Variants in DHX30 observed in about 807,000 individuals in gnomAD.
The protein encoded by DHX30 is ATP-dependent RNA helicase DHX30.
A neutral mutation model predicts 116.9 loss-of-function variants in DHX30; 4 were observed. The observed-to-expected ratio is 0.03, with a 90% CI of 0.02 to 0.08. The LOEUF (loss-of-function observed/expected upper bound fraction) is 0.08. DHX30 is among the 10% of genes least tolerant of loss of function. DHX30 has a pLI of 1.00. For synonymous variants in DHX30, 697 were observed against 651.7 expected, an observed-to-expected ratio of 1.07 and a Z score of -1.06; for missense variants, 871 against 1,595.1, an observed-to-expected ratio of 0.55 and a Z score of 7.73.
chr3:47,828,931 C>CTGTGAGGTCTGCTGA, intron 5 of DHX30, 93 bp from the exon 6 acceptor site: 1 of 735,066 alleles, frequency 1.4e-6, no homozygotes, highest in Non-Finnish European at 2.4e-6. Flanking sequence ...AGGTCTGCTG[C>CTGTGAGGTCTGCTGA]TGTGAGGTCC....
At chr3:47,812,609 A>G (rs1340545019) in intron 3 of DHX30, among the ~76,000 whole-genome samples, 1 of 151,946 alleles carries the variant, frequency 6.6e-6, no homozygotes, top group Non-Finnish European at 1.5e-5. Flanking sequence ...CAAGGATAGT[A>G]GCAAGCCATG....
At chr3:47,829,310 ATATATTT>A (rs1200628613) in intron 6 of DHX30, among the ~76,000 whole-genome samples, 176 bp downstream of exon 6, 3 of 25,682 alleles carry the variant, frequency 1.2e-4, no homozygotes, top group South Asian at 2.0e-3. Flanking sequence ...ATATATATAT[ATATATTT>A]TTTTTTTTTT....
Position 47,841,696 on chromosome 3 carries a change from G to T in DHX30, c.748G>T (p.Ala250Ser). 1 of 1,614,236 alleles carries T rather than the reference G, an allele frequency of 6.2e-7. No individual in the cohort carries two copies. Among genetic ancestry groups the T allele is most frequent in the Non-Finnish European group, 8.5e-7 (1 of 1,180,036 alleles). The stretch of plus-strand genomic sequence containing the variant: ...GTTTCCACTTCCCAAGAACCTTCTG[G>T]CCAAGGTGATTCAGATTGCAACGTC... Reference protein sequence around the residue: ...TQFPLPKNLLAKVIQIATSSS... With the variant: ...TQFPLPKNLLSKVIQIATSSS... The change falls in exon 8 of 22, where the codon GCC becomes TCC. Residue 250 changes from alanine (A) to serine (S), a missense_variant. Ala to Ser is a moderately conservative substitution (Grantham distance 99, BLOSUM62 1). Coordinates refer to ENST00000445061, the MANE Select transcript of DHX30 (RefSeq NM_138615.3).
intron 6 of DHX30, among the ~76,000 whole-genome samples, chr3:47,840,671 C>G (rs1410087358): frequency 6.6e-6 from 1 of 152,068 alleles, no homozygotes; most frequent in Non-Finnish European, 1.5e-5. Flanking sequence ...TTCTGCTCAC[C>G]CATTGCCATG....
At chr3:47,804,536 CAA>C (rs756245876) in intron 1 of DHX30, among the ~76,000 whole-genome samples, 1 of 152,218 alleles carries the variant, frequency 6.6e-6, no homozygotes, top group Non-Finnish European at 1.5e-5. Context: ...GCCTGGGCAA[CAA>C]GAGCGAAACT....
At chr3:47,824,323 T>C (rs1251760016) in intron 4 of DHX30, among the ~76,000 whole-genome samples, 1 of 152,008 alleles carries the variant, frequency 6.6e-6, no homozygotes, top group East Asian at 1.9e-4. Flanking sequence ...CTTTCACTGC[T>C]GGACTTTACG....
intron 3 of DHX30, among the ~76,000 whole-genome samples, chr3:47,811,375 A>G (rs2035781525): frequency 6.6e-6 from 1 of 151,952 alleles, no homozygotes; most frequent in Non-Finnish European, 1.5e-5. Flanking sequence ...GTTCGTTCTC[A>G]TGGTTAGTCT....
chr3:47,821,267 T>C (rs1284830687), intron 4 of DHX30, among the ~76,000 whole-genome samples: 1 of 150,164 alleles, frequency 6.7e-6, no homozygotes, highest in Non-Finnish European at 1.5e-5. Context: ...TTTTCCTAAC[T>C]TTCTTTTTTC....
chr3:47,821,386 C>A (rs1404014546), intron 4 of DHX30, among the ~76,000 whole-genome samples: 2 of 152,198 alleles, frequency 1.3e-5, no homozygotes, highest in Non-Finnish European at 2.9e-5. Context: ...TTGCCCCAGC[C>A]CCCCGAGTAC....
At chr3:47,836,462 A>G (rs931019780) in intron 6 of DHX30, among the ~76,000 whole-genome samples, 8 of 151,556 alleles carry the variant, frequency 5.3e-5, no homozygotes, top group Admixed American at 1.3e-4. Flanking sequence ...GAAGCAGGTC[A>G]TTATCACATT....
intron 6 of DHX30, among the ~76,000 whole-genome samples, chr3:47,837,623 T>C (rs954337258): frequency 6.6e-6 from 1 of 152,124 alleles, no homozygotes; most frequent in African/African-American, 2.4e-5. Context: ...TAGCCGGGCC[T>C]GGTGGCGTAC....
intron 6 of DHX30, among the ~76,000 whole-genome samples, chr3:47,833,656 G>A (rs1026213111): frequency 2.0e-5 from 3 of 150,900 alleles, no homozygotes; most frequent in African/African-American, 4.9e-5. Flanking sequence ...TCAGGAGTTC[G>A]AGACCAGCTT....
At position 47,841,839 on chromosome 3, in the gene DHX30, C is replaced by G. The variant is rs996993589; in HGVS notation, c.789+102C>G. ...GAGAGGGCTGAGGGGGTGTGTTCCT[C>G]CAGCCCAAACCTAGGCCAGGTGGAG... On this transcript the variant is annotated intron_variant, in intron 8 of 21. Transcript: ENST00000445061. 7.9e-6 allele frequency: 12 copies of G among 1,518,192 alleles called. No individual in the cohort carries two copies. In the African/African-American group the frequency reaches 1.2e-4, roughly 16 times the overall value. 94.0% of individuals were successfully genotyped at this position (1,518,192 alleles called of 1,614,324 possible). A position where few individuals can be genotyped will look rare whatever the true frequency, so the allele number is the denominator to read the frequency against.
rs773509677 is a variant in DHX30 at position 47,819,242 on chromosome 3, C to T, written c.124+1125C>T. On this transcript the variant is annotated intron_variant, in intron 4 of 21. Coordinates refer to ENST00000445061, the MANE Select transcript of DHX30 (RefSeq NM_138615.3). ...TGCCCTGTAACTCGAAAAGGCTGAACGTTAACATTTCCAACATGGCAGGTG... is the reference window on the plus strand; with the variant it reads ...TGCCCTGTAACTCGAAAAGGCTGAATGTTAACATTTCCAACATGGCAGGTG... 1.2e-5 allele frequency: 16 copies of T among 1,367,612 alleles called. 1 individual carries two copies. The highest frequency in any genetic ancestry group is 2.3e-5 in the South Asian group (2 of 88,054). The allele number at this position is 1,367,612 out of a possible 1,614,324, so 84.7% of individuals were successfully genotyped here.
At chr3:47,810,356 T>C (rs1004643081) in intron 2 of DHX30, among the ~76,000 whole-genome samples, 1 of 152,188 alleles carries the variant, frequency 6.6e-6, no homozygotes, top group Admixed American at 6.5e-5. Flanking sequence ...GTAAGTATTA[T>C]GATGAACTAG....
At chr3:47,825,021 C>G (rs1277184503) in intron 4 of DHX30, 1 of 640,364 alleles carries the variant, frequency 1.6e-6, no homozygotes, top group South Asian at 1.6e-5. Context: ...GCACAGGCCT[C>G]GGGGTCGGCG....
At chr3:47,828,910 TTGCTGCTGTGAGGTC>T (rs550300573) in intron 5 of DHX30, 99 bp from the exon 6 acceptor site, 297 of 673,372 alleles carry the variant, frequency 4.4e-4, no homozygotes, top group Admixed American at 7.4e-4. Flanking sequence ...ACCTAGCACA[TTGCTGCTGTGAGGTC>T]TGCTGCTGTG....
chr3:47,829,019 C>A lies in DHX30; in HGVS notation c.256-5C>A. The A allele has an allele frequency of 1.3e-6, 2 of 1,591,632 alleles. No homozygotes were observed. Among genetic ancestry groups the A allele is most frequent in the Non-Finnish European group, 8.6e-7 (1 of 1,162,678 alleles). ...GACTTCTGATTTCTCTCTTCTCTTC[C>A]CCAGAAAGTCACACTGCACATAAAA... On this transcript the variant is annotated splice_region_variant and splice_polypyrimidine_tract_variant and intron_variant, in intron 5 of 21. Coordinates refer to ENST00000445061, the MANE Select transcript of DHX30 (RefSeq NM_138615.3).
rs1187770185 is a variant in DHX30, at chr3:47,841,659, G to A, written c.711G>A (p.Arg237=). Reference sequence around the variant, plus strand: ...TGACAGATGACGACAGTGCCATTAGGGCTCTGACCCAGTTTCCACTTCCCA... The same window carrying A: ...TGACAGATGACGACAGTGCCATTAGAGCTCTGACCCAGTTTCCACTTCCCA... ...FEMTDDDSAI[R]ALTQFPLPKN... is the part of the protein sequence containing the mutation. The change falls in exon 8 of 22, where the codon AGG becomes AGA. Residue 237 remains arginine (R), a synonymous_variant. Transcript: ENST00000445061. 6.2e-6 allele frequency: 10 copies of A among 1,614,240 alleles called. No individual in the cohort carries two copies. Among genetic ancestry groups the A allele is most frequent in the Non-Finnish European group, 7.6e-6 (9 of 1,180,048 alleles).
Sources: gnomAD v4.1 joint callset for allele counts (sites outside exome capture counted in the v4.1 genomes callset) on GRCh38, gnomAD v4.1.1 for gene constraint, MANE v1.5 for transcripts, NCBI Gene and HGNC (gene_info 2026-07-23, HGNC 2026-07-21) for gene names.